Variants in LDLRAD4 observed in about 807,000 individuals in gnomAD.
The protein encoded by LDLRAD4 is low-density lipoprotein receptor class A domain-containing protein 4.
LDLRAD4 carries 5 observed loss-of-function variants against 17.0 expected under a neutral mutation model. That is an observed-to-expected ratio of 0.29 (90% CI 0.15 to 0.62). The LOEUF is 0.62. Ranked by LOEUF, LDLRAD4 falls within the 20% of genes least tolerant of loss-of-function variation. The probability of loss-of-function intolerance (pLI) is 0.84; values close to 1 mark genes in which losing one functional copy is unlikely to be tolerated. For synonymous variants in LDLRAD4, 168 were observed against 171.8 expected, an observed-to-expected ratio of 0.98 and a Z score of 0.17; for missense variants, 340 against 424.7, an observed-to-expected ratio of 0.80 and a Z score of 1.75.
intron 3 of LDLRAD4, among the ~76,000 whole-genome samples, chr18:13,528,884 G>C (rs1242790193): frequency 2.0e-5 from 3 of 152,178 alleles, no homozygotes; most frequent in Non-Finnish European, 4.4e-5. Context: ...TGGGAGTGAG[G>C]CCTGGGCATC....
chr18:13,224,682 G>A (rs1240482281), intron 1 of LDLRAD4, among the ~76,000 whole-genome samples: 15 of 151,148 alleles, frequency 9.9e-5, no homozygotes, highest in East Asian at 2.0e-4. Context: ...GGGTTTCAGC[G>A]TGTTAGCCAG....
At chr18:13,393,182 C>T (rs898560921) in intron 2 of LDLRAD4, among the ~76,000 whole-genome samples, 5 of 152,206 alleles carry the variant, frequency 3.3e-5, no homozygotes, top group East Asian at 1.9e-4. Flanking sequence ...CCTCAGCCCC[C>T]GCCTTCCAGA....
At chr18:13,551,038 C>T (rs553788983) in intron 3 of LDLRAD4, among the ~76,000 whole-genome samples, 3 of 152,170 alleles carry the variant, frequency 2.0e-5, no homozygotes, top group Non-Finnish European at 4.4e-5. Context: ...GCACTGGGCC[C>T]TTCTTATCTT....
At position 13,594,665 on chromosome 18, in the gene LDLRAD4, C is replaced by CAAAA. The variant is rs56035558; in HGVS notation, c.182-26431_182-26428dup. ...TGGGTGACAGAGCAAGATTCCATCTCAAAAAAAAAAAAAAAAAAAAAAAAG... is the reference window on the plus strand; with the variant it reads ...TGGGTGACAGAGCAAGATTCCATCTCAAAAAAAAAAAAAAAAAAAAAAAAAAAAG... On this transcript the variant is annotated intron_variant, in intron 3 of 5. Transcript: ENST00000359446. 6.2e-3 allele frequency among the ~76,000 whole-genome samples: 182 copies of CAAAA among 29,584 alleles called. 10 individuals carry two copies. Among genetic ancestry groups the CAAAA allele is most frequent in the Non-Finnish European group, 8.7e-3 (110 of 12,680 alleles). The allele number at this position is 29,584 out of a possible 152,430, so 19.4% of individuals were successfully genotyped here.
At chr18:13,221,523 G>A (rs996655807) in intron 1 of LDLRAD4, among the ~76,000 whole-genome samples, 2 of 152,148 alleles carry the variant, frequency 1.3e-5, no homozygotes, top group African/African-American at 4.8e-5. Context: ...TGAAAATTTA[G>A]GCCACAAGAC....
chr18:13,516,085 G>A (rs1194463470), intron 3 of LDLRAD4: 1 of 152,234 alleles, frequency 6.6e-6, no homozygotes, highest in African/African-American at 2.4e-5. Context: ...AAAGCACTGG[G>A]ATTACAGGCC....
intron 1 of LDLRAD4, among the ~76,000 whole-genome samples, chr18:13,281,449 A>T (rs1207623384): frequency 6.6e-6 from 1 of 151,912 alleles, no homozygotes; most frequent in African/African-American, 2.4e-5. Flanking sequence ...CACAAAAGAC[A>T]ATTGGAGTTG....
At chr18:13,419,477 T>A (rs1330041443) in intron 2 of LDLRAD4, 1 of 152,210 alleles carries the variant, frequency 6.6e-6, no homozygotes, top group African/African-American at 2.4e-5. Flanking sequence ...AGTGGTACAA[T>A]CATAGCTCAC....
rs116920277 is a variant in LDLRAD4 at position 13,605,302 on chromosome 18, C to T, written c.182-15815C>T. Reference sequence around the variant, plus strand: ...GCACAATCACAGCTCACTGCACTCTCGACCTCCTGGGCTCAAGTGATCCTC... The same window carrying T: ...GCACAATCACAGCTCACTGCACTCTTGACCTCCTGGGCTCAAGTGATCCTC... On this transcript the variant is annotated intron_variant, in intron 3 of 5. Coordinates refer to ENST00000359446, the Ensembl canonical transcript of LDLRAD4. Among the ~76,000 whole-genome samples, 626 of 152,362 alleles carry T rather than the reference C, an allele frequency of 4.1e-3. 8 individuals are homozygous for T. The Middle Eastern group carries it at 0.051, about 12-fold the overall frequency.
chr18:13,597,881 C>CTAT (rs1314309824), intron 3 of LDLRAD4, among the ~76,000 whole-genome samples: 12 of 152,040 alleles, frequency 7.9e-5, no homozygotes, highest in African/African-American at 2.9e-4. Context: ...ACAGATAATT[C>CTAT]TATTTCTTTA....
rs1160229759 is a variant in LDLRAD4 at position 13,645,113 on chromosome 18, T to C, written c.391-14T>C. The C allele has an allele frequency of 6.3e-7, 1 of 1,594,142 alleles. No individual in the cohort carries two copies. Among genetic ancestry groups the C allele is most frequent in the Admixed American group, 1.7e-5 (1 of 58,872 alleles). On this transcript the variant is annotated splice_polypyrimidine_tract_variant and intron_variant, in intron 5 of 5. Transcript: ENST00000359446. This position sits in a 1 kb window ranked among gnomAD's most constrained non-coding sequence, Gnocchi z 5.7. ...GCTCAAACTGTCTTCAAGCCTCTCC[T>C]CTTTTCCTTCCAGATCATGCATGCC...
chr18:13,511,819 TAAAA>T (rs1209531987), intron 3 of LDLRAD4, among the ~76,000 whole-genome samples: 1 of 152,158 alleles, frequency 6.6e-6, no homozygotes, highest in African/African-American at 2.4e-5. Flanking sequence ...TCCCCAGACC[TAAAA>T]CAAAGAGAAG....
intron 1 of LDLRAD4, among the ~76,000 whole-genome samples, chr18:13,320,470 G>T (rs949066652): frequency 6.6e-6 from 1 of 152,208 alleles, no homozygotes. Flanking sequence ...GGACTGCAGT[G>T]ACCAGTGCTC....
chr18:13,635,424 C>CA (rs1178665046), intron 4 of LDLRAD4, among the ~76,000 whole-genome samples: 1 of 152,118 alleles, frequency 6.6e-6, no homozygotes, highest in Non-Finnish European at 1.5e-5. Context: ...CATCTCCCCC[C>CA]AAAAAAGTGC....
intron 3 of LDLRAD4, among the ~76,000 whole-genome samples, chr18:13,557,812 A>G (rs2094499920): frequency 6.6e-6 from 1 of 152,364 alleles, no homozygotes; most frequent in Middle Eastern, 3.4e-3. Flanking sequence ...TGTTACCATC[A>G]TGATCATCAC....
At chr18:13,450,614 G>C (rs1350309218) in intron 3 of LDLRAD4, among the ~76,000 whole-genome samples, 3 of 152,228 alleles carry the variant, frequency 2.0e-5, no homozygotes, top group Non-Finnish European at 4.4e-5. Context: ...TGACATGGGA[G>C]GGTGCAGTGT....
intron 1 of LDLRAD4, among the ~76,000 whole-genome samples, chr18:13,260,623 T>A (rs1302784352): frequency 2.0e-5 from 3 of 152,222 alleles, no homozygotes; most frequent in African/African-American, 7.2e-5. Flanking sequence ...ATTTCCTTTT[T>A]CCTGTTGCTT....
chr18:13,348,233 C>T (rs1223614623), intron 1 of LDLRAD4, among the ~76,000 whole-genome samples: 3 of 152,142 alleles, frequency 2.0e-5, no homozygotes, highest in South Asian at 2.1e-4. Context: ...ATGATGGTGA[C>T]ATACAAATGG....
intron 3 of LDLRAD4, among the ~76,000 whole-genome samples, chr18:13,540,036 C>T (rs1026022371): frequency 5.9e-5 from 9 of 152,128 alleles, no homozygotes; most frequent in South Asian, 2.1e-4. Flanking sequence ...CAGGGTCACC[C>T]GCATGCCAAA....
Sources: gnomAD v4.1 joint callset for allele counts (sites outside exome capture counted in the v4.1 genomes callset) on GRCh38, gnomAD v4.1.1 for gene constraint, Gnocchi (gnomAD v3.1) non-coding constraint, MANE v1.5 for transcripts, NCBI Gene and HGNC (gene_info 2026-07-23, HGNC 2026-07-21) for gene names.